The following LRCH2 variants were observed in gnomAD, a reference collection of about 807,000 sequenced individuals.
LRCH2 encodes leucine-rich repeat and calponin homology domain-containing protein 2.
A neutral mutation model predicts 68.9 loss-of-function variants in LRCH2; 38 were observed. The observed-to-expected ratio is 0.55, with a 90% confidence interval of 0.43 to 0.72. The LOEUF (loss-of-function observed/expected upper bound fraction) is 0.72, where lower values mean the gene tolerates loss of function less well. LRCH2 is among the 30% of genes least tolerant of loss of function. The pLI is 0.00. For synonymous variants in LRCH2, 191 were observed against 208.1 expected (o/e 0.92, Z 0.71); for missense variants, 528 against 572.9 (o/e 0.92, Z 0.80).
At chrX:115,132,595 A>C (rs2072255696) in intron 14 of LRCH2, among the ~76,000 whole-genome samples, 1 of 111,969 alleles carries the variant, frequency 8.9e-6, no homozygotes, top group Non-Finnish European at 1.9e-5. Flanking sequence ...AGGGATAATA[A>C]ATACAAAACG....
intron 16 of LRCH2, 35 bp downstream of exon 16, chrX:115,126,808 C>T (rs1184750919): frequency 2.9e-6 from 3 of 1,038,437 alleles, no homozygotes; most frequent in African/African-American, 2.0e-5. Context: ...ACATACAAAA[C>T]GTATTTTTAA....
At chrX:115,197,750 T>C (rs1177452455) in intron 1 of LRCH2, among the ~76,000 whole-genome samples, 1 of 104,598 alleles carries the variant, frequency 9.6e-6, no homozygotes, top group Non-Finnish European at 1.9e-5. Context: ...AGTCTCTCTC[T>C]CTCTTTCTCT....
chrX:115,169,117 G>A (rs782238226), intron 6 of LRCH2, among the ~76,000 whole-genome samples: 18 of 111,801 alleles, frequency 1.6e-4, no homozygotes, highest in South Asian at 3.7e-4. Flanking sequence ...ATTCCCTGAC[G>A]ACACTCTTGA....
At chrX:115,185,176 T>C (rs1374853470) in intron 2 of LRCH2, among the ~76,000 whole-genome samples, 1 of 112,203 alleles carries the variant, frequency 8.9e-6, no homozygotes, top group African/African-American at 3.2e-5. Context: ...TAACTAACAT[T>C]TACTGAGTGC....
Position 115,168,449 on chromosome X carries a change from A to G in LRCH2, c.998+1850T>C, listed in dbSNP as rs148611099. ...GTACATACCAGATTTCAAAGATTTA[A>G]TATTAAATAAGCATATAAAATATCT... On this transcript the variant is annotated intron_variant, in intron 6 of 20. Transcript: ENST00000317135. Among the ~76,000 whole-genome samples the G allele has an allele frequency of 9.3e-3, 1,045 of 112,087 alleles. 13 individuals carry two copies. Among genetic ancestry groups the G allele is most frequent in the African/African-American group, 0.032 (986 of 30,915 alleles).
chrX:115,191,131 A>G (rs1556558778), intron 1 of LRCH2: 2 of 1,166,686 alleles, frequency 1.7e-6, no homozygotes, highest in Non-Finnish European at 1.1e-6. Context: ...TGACGCCCAC[A>G]GTGGGGGCTG....
At chrX:115,120,878 G>C (rs1310564694) in intron 20 of LRCH2, among the ~76,000 whole-genome samples, 1 of 107,228 alleles carries the variant, frequency 9.3e-6, no homozygotes, top group African/African-American at 3.4e-5. Context: ...GTAGGGACAT[G>C]GATGAAACTG....
At position 115,208,233 on chromosome X, in the gene LRCH2, AT is replaced by A. The variant is rs781809118; in HGVS notation, c.350-19864del. Among the ~76,000 whole-genome samples, 44 of 112,271 alleles carry A rather than the reference AT, an allele frequency of 3.9e-4. No individual in the cohort carries two copies. The East Asian group carries it at 9.8e-3, about 25-fold the overall frequency. On this transcript the variant is annotated intron_variant, in intron 1 of 20. Coordinates refer to ENST00000317135, the MANE Select transcript of LRCH2 (RefSeq NM_020871.4). The stretch of plus-strand genomic sequence containing the variant: ...AATTAATAAGAGAATGATTGTAAAT[AT>A]TTTTTAATTACATAGCTGTGTATTT...
chrX:115,220,310 T>C (rs1402582791), intron 1 of LRCH2, among the ~76,000 whole-genome samples: 10 of 112,311 alleles, frequency 8.9e-5, no homozygotes, highest in African/African-American at 2.6e-4. Flanking sequence ...AAGAACAATG[T>C]AGAAGAAGAG....
intron 3 of LRCH2, among the ~76,000 whole-genome samples, chrX:115,181,091 G>C (rs1444232407): frequency 4.5e-5 from 5 of 111,640 alleles, no homozygotes; most frequent in Non-Finnish European, 7.5e-5. Context: ...TAATATATAA[G>C]AAAGGAATAT....
chrX:115,145,259 C>T (rs1427149023), intron 14 of LRCH2, among the ~76,000 whole-genome samples: 1 of 111,532 alleles, frequency 9.0e-6, no homozygotes, highest in African/African-American at 3.3e-5. Flanking sequence ...AAGAATGAAA[C>T]TAGGCCCCTA....
intron 1 of LRCH2, among the ~76,000 whole-genome samples, chrX:115,193,365 A>G (rs1194806530): frequency 1.8e-5 from 2 of 111,559 alleles, no homozygotes; most frequent in Non-Finnish European, 3.8e-5. Flanking sequence ...AGGCACCTCA[A>G]ATTCTACAAA....
intron 1 of LRCH2, among the ~76,000 whole-genome samples, chrX:115,212,200 A>G (rs191398789): frequency 2.4e-3 from 270 of 111,319 alleles, no homozygotes; most frequent in African/African-American, 8.1e-3. Context: ...AGCACAGCAA[A>G]TGGCATGAAC....
chrX:115,159,466 T>C (rs1210357509), intron 11 of LRCH2, among the ~76,000 whole-genome samples: 1 of 109,922 alleles, frequency 9.1e-6, no homozygotes, highest in Non-Finnish European at 1.9e-5. Flanking sequence ...AAAAAAAAAA[T>C]TCAGGCCCGG....
intron 1 of LRCH2, among the ~76,000 whole-genome samples, chrX:115,223,755 GAAAA>G (rs140221934): frequency 1.0e-5 from 1 of 97,133 alleles, no homozygotes; most frequent in Non-Finnish European, 2.1e-5. Context: ...GTCTCTACTG[GAAAA>G]AAAAAAAAAT....
intron 1 of LRCH2, among the ~76,000 whole-genome samples, chrX:115,219,028 G>T (rs2073061062): frequency 8.9e-6 from 1 of 111,927 alleles, no homozygotes; most frequent in South Asian, 3.8e-4. Flanking sequence ...TTATTTGCAT[G>T]TTAAGATACC....
At chrX:115,221,676 T>C (rs1198942045) in intron 1 of LRCH2, among the ~76,000 whole-genome samples, 1 of 112,446 alleles carries the variant, frequency 8.9e-6, no homozygotes, top group Admixed American at 9.4e-5. Context: ...TATTTTCTTC[T>C]AATGCTAACA....
At chrX:115,190,296 G>T (rs2072779959) in intron 1 of LRCH2, 6 of 1,149,236 alleles carry the variant, frequency 5.2e-6, no homozygotes, top group African/African-American at 3.6e-5. Flanking sequence ...ATGGCTACAG[G>T]GGTCGCGACC....
chrX:115,126,011 C>G (rs897359087), intron 16 of LRCH2, among the ~76,000 whole-genome samples: 1 of 110,319 alleles, frequency 9.1e-6, no homozygotes, highest in Non-Finnish European at 1.9e-5. Flanking sequence ...GCAACACCAC[C>G]TACATATAAT....
Sources: allele counts gnomAD v4.1 joint callset (sites outside exome capture counted in the v4.1 genomes callset), GRCh38; gene constraint gnomAD v4.1.1; transcripts MANE v1.5; gene names NCBI Gene and HGNC (gene_info 2026-07-23, HGNC 2026-07-21).